Variants in ANKLE2 observed in about 807,000 individuals in gnomAD.
ANKLE2 encodes ankyrin repeat and LEM domain containing 2, also known as ankyrin repeat and LEM domain-containing protein 2.
A neutral mutation model predicts 84.2 loss-of-function variants in ANKLE2; 55 were observed. The observed-to-expected ratio is 0.65, with a 90% CI of 0.53 to 0.82. The LOEUF is 0.82. Among genes scored for constraint, ANKLE2 ranks in the 40% least tolerant of loss-of-function variants. The pLI is 0.00. For missense variants in ANKLE2, 1,238 were observed against 1,201.9 expected (o/e 1.03, Z -0.44); for synonymous variants, 551 against 486.1 (o/e 1.13, Z -1.76).
chr12:132,745,517 TC>T (rs1443742333), intron 5 of ANKLE2: 6 of 152,800 alleles, frequency 3.9e-5, no homozygotes, highest in Admixed American at 2.0e-4. Context: ...CAGGAAATGC[TC>T]CCACAGCAAG....
Position 132,754,910 on chromosome 12 carries a change from T to C in ANKLE2, c.405A>G (p.Gln135=), listed in dbSNP as rs1166881528. Residue 135 remains glutamine (Q), a synonymous_variant, in exon 2 of 13, where the codon CAA becomes CAG. Coordinates refer to ENST00000357997, the MANE Select transcript of ANKLE2 (RefSeq NM_015114.3). ...TCCCTTCAGCTGGCTTCAAAATCCT[T>C]TGTGGGTCCTGGCTGAGAGCTGTGA... ...AGVTALSQDP[Q]RILKPAEGNP... 1.2e-6 allele frequency: 2 copies of C among 1,614,158 alleles called. No homozygotes were observed. The highest frequency in any genetic ancestry group is 1.7e-6 in the Non-Finnish European group (2 of 1,180,018).
rs2044023924 is a variant in ANKLE2, at chr12:132,737,011, C to G, written c.1475G>C (p.Gly492Ala). The stretch of plus-strand genomic sequence containing the variant: ...CGTCTGGTCTGGGGACCACAGCTCC[C>G]CGATGACTGGAGAAGAAGTCTCTTC... ...RAEETSSPVIGELWSPDQTAE... is the reference protein window; with the variant it reads ...RAEETSSPVIAELWSPDQTAE... The change falls in exon 8 of 13, where the codon GGG becomes GCG. Residue 492 changes from glycine to alanine, a missense_variant. Gly to Ala is a moderately conservative substitution (Grantham distance 60). Transcript: ENST00000357997. The G allele has an allele frequency of 1.9e-6, 3 of 1,613,104 alleles. No individual in the cohort carries two copies. Among genetic ancestry groups the G allele is most frequent in the Non-Finnish European group, 1.7e-6 (2 of 1,179,330 alleles).
chr12:132,741,714 G>C, intron 6 of ANKLE2: 1 of 651,564 alleles, frequency 1.5e-6, no homozygotes, highest in Admixed American at 2.1e-5. Context: ...TTTACTTCTT[G>C]TTTGCGCTAC....
rs1288978305 is a variant in ANKLE2 at position 132,741,492 on chromosome 12, G to A, written c.1354-7C>T. On this transcript the variant is annotated splice_polypyrimidine_tract_variant and splice_region_variant and intron_variant, in intron 6 of 12. Coordinates refer to ENST00000357997, the MANE Select transcript of ANKLE2 (RefSeq NM_015114.3). ...TGCTTCTTTCACAAATTACCTATTG[G>A]AAAAAAAAGTGTGTCTAAATCTTAT... is the stretch of plus-strand genomic sequence containing the variant. 9 of 1,610,948 alleles carry A rather than the reference G, an allele frequency of 5.6e-6. No individual in the cohort carries two copies. The South Asian group carries it at 6.6e-5, about 12-fold the overall frequency.
At chr12:132,734,057 G>A (rs1156723137) in intron 10 of ANKLE2, 1 of 469,254 alleles carries the variant, frequency 2.1e-6, no homozygotes, top group Admixed American at 2.4e-5. Context: ...TCAATACGGT[G>A]AAACCGCATC....
In ANKLE2 at chr12:132,725,856, T is replaced by A. The variant is rs2043690200; in HGVS notation, c.*1386A>T. The A allele has an allele frequency of 6.6e-6, 1 of 152,224 alleles. No homozygotes were observed. The highest frequency in any genetic ancestry group is 2.4e-5 in the African/African-American group (1 of 41,460). The allele number at this position is 152,224 out of a possible 1,614,324, so 9.4% of individuals were successfully genotyped here. Reference sequence around the variant, plus strand: ...GTTTCTGTCTGGGATCTAGATCTTGTCTGCTACAAAACAAATGAACACACC... The same window carrying A: ...GTTTCTGTCTGGGATCTAGATCTTGACTGCTACAAAACAAATGAACACACC... On this transcript the variant is annotated 3_prime_UTR_variant, in exon 13 of 13. Coordinates refer to ENST00000357997, the MANE Select transcript of ANKLE2 (RefSeq NM_015114.3).
At chr12:132,745,124 G>A (rs113130014) in intron 5 of ANKLE2, 5,821 of 152,750 alleles carry the variant, frequency 0.038, 378 homozygotes, top group African/African-American at 0.13. Flanking sequence ...CTCCCACAGC[G>A]CCCGCACCGC....
At position 132,750,624 on chromosome 12, in the gene ANKLE2, G is replaced by C. The variant is rs772333736; in HGVS notation, c.847+19C>G. On this transcript the variant is annotated intron_variant, in intron 3 of 12. Transcript: ENST00000357997. ...CAATGTGACAGGAACATCAAGATGT[G>C]AACGGCTGCATGATTTACCTTTCAA... 6.2e-7 allele frequency: 1 copy of C among 1,612,852 alleles called. No individual in the cohort carries two copies. Among genetic ancestry groups the C allele is most frequent in the Non-Finnish European group, 8.5e-7 (1 of 1,179,124 alleles).
At chr12:132,758,345 G>C (rs1184325586) in intron 1 of ANKLE2, 1 of 152,122 alleles carries the variant, frequency 6.6e-6, no homozygotes, top group Non-Finnish European at 1.5e-5. Flanking sequence ...GCAGGCAGAG[G>C]TTGCAGTGAG....
chr12:132,733,905 T>C, intron 10 of ANKLE2: 1 of 454,156 alleles, frequency 2.2e-6, no homozygotes. Flanking sequence ...TTTTGGATAA[T>C]GCAAACACAA....
intron 5 of ANKLE2, among the ~76,000 whole-genome samples, chr12:132,747,603 CG>C (rs1240476631): frequency 1.3e-5 from 2 of 152,154 alleles, no homozygotes; most frequent in Non-Finnish European, 2.9e-5. Context: ...CAGACACCCT[CG>C]GGGACAGCAT....
At chr12:132,759,826 G>C (rs2044584695) in intron 1 of ANKLE2, 2 of 151,640 alleles carry the variant, frequency 1.3e-5, no homozygotes, top group South Asian at 4.1e-4. Flanking sequence ...CTGAAAACAG[G>C]TTAAGCCCAC....
chr12:132,753,279 C>T (rs1467162036), intron 2 of ANKLE2, among the ~76,000 whole-genome samples: 1 of 151,908 alleles, frequency 6.6e-6, no homozygotes, highest in East Asian at 1.9e-4. Flanking sequence ...GTTGAGATTG[C>T]ATCACTACAC....
intron 1 of ANKLE2, 134 bp downstream of exon 1, chr12:132,761,484 G>T: frequency 7.7e-6 from 6 of 780,004 alleles, no homozygotes; most frequent in Non-Finnish European, 1.0e-5. Context: ...TTTCCCGACC[G>T]GCCCTGGTTT....
chr12:132,748,053 T>A (rs977327081), intron 4 of ANKLE2, 33 bp from the exon 5 acceptor site: 5 of 1,599,754 alleles, frequency 3.1e-6, no homozygotes, highest in Non-Finnish European at 4.3e-6. Flanking sequence ...GAGCTTCCTA[T>A]CTGATGTGTG....
At chr12:132,759,811 G>C (rs1371861595) in intron 1 of ANKLE2, 1 of 152,004 alleles carries the variant, frequency 6.6e-6, no homozygotes, top group Non-Finnish European at 1.5e-5. Context: ...TCCTAAAAGA[G>C]CAGGCTGAAA....
intron 1 of ANKLE2, chr12:132,755,336 G>C (rs549881242): frequency 4.0e-6 from 2 of 505,398 alleles, no homozygotes; most frequent in Admixed American, 3.8e-5. Context: ...CTGAGGTCAG[G>C]AGTTCGAGAC....
chr12:132,745,942 T>C (rs1045005244), intron 5 of ANKLE2, among the ~76,000 whole-genome samples: 15 of 152,242 alleles, frequency 9.9e-5, no homozygotes, highest in Admixed American at 4.6e-4. Flanking sequence ...TACATAGTTA[T>C]ATACTAAAGT....
intron 6 of ANKLE2, 105 bp from the exon 7 acceptor site, chr12:132,741,590 A>T: frequency 9.5e-7 from 1 of 1,054,018 alleles, no homozygotes. Flanking sequence ...GTAGAATAGT[A>T]TCTTAATGCT....
Sources: allele counts gnomAD v4.1 joint callset (sites outside exome capture counted in the v4.1 genomes callset), GRCh38; gene constraint gnomAD v4.1.1; transcripts MANE v1.5; gene names NCBI Gene and HGNC (gene_info 2026-07-23, HGNC 2026-07-21).